CDADC1: variants seen among roughly 807,000 people sequenced by gnomAD.
CDADC1 encodes the protein dCTP deaminase.
CDADC1 carries 39 observed loss-of-function variants against 54.9 expected under a neutral mutation model. The observed-to-expected ratio is 0.71, with a 90% CI of 0.55 to 0.93. The LOEUF is 0.93. CDADC1 is among the 40% of genes least tolerant of loss of function. The pLI is 0.00. For missense variants in CDADC1, 518 were observed against 618.8 expected (o/e 0.84, Z 1.73); for synonymous variants, 186 against 204.0 (o/e 0.91, Z 0.75).
At chr13:49,270,466 C>G (rs1202330133) in intron 5 of CDADC1, among the ~76,000 whole-genome samples, 4 of 152,184 alleles carry the variant, frequency 2.6e-5, no homozygotes, top group Non-Finnish European at 5.9e-5. Flanking sequence ...AATCTTCCTG[C>G]CTCAGCCTCC....
rs1417244935 is a variant in CDADC1 at position 49,285,175 on chromosome 13, CTTTTTTCT to C, written c.1411-1040_1411-1033del. Among the ~76,000 whole-genome samples the C allele has an allele frequency of 9.1e-5, 12 of 132,292 alleles. No individual in the cohort carries two copies. In the South Asian group the frequency reaches 1.9e-3, roughly 21 times the overall value. The allele number at this position is 132,292 out of a possible 152,430, so 86.8% of individuals were successfully genotyped here. A position where few individuals can be genotyped will look rare whatever the true frequency, so the allele number is the denominator to read the frequency against. The stretch of plus-strand genomic sequence containing the variant: ...TTTCTTTTTCTTTTCTTTTTTTTTT[CTTTTTTCT>C]TTTTTTTTTTTGTGAGACAGAGTCT... On this transcript the variant is annotated intron_variant, in intron 8 of 9. Transcript: ENST00000251108.
chr13:49,289,210 C>A (rs1461179971), intron 9 of CDADC1, among the ~76,000 whole-genome samples: 2 of 142,834 alleles, frequency 1.4e-5, no homozygotes, highest in Non-Finnish European at 3.0e-5. Flanking sequence ...CTCACTGCAA[C>A]CTCCACCTCC....
chr13:49,289,152 G>T (rs576324372), intron 9 of CDADC1, among the ~76,000 whole-genome samples: 1 of 116,868 alleles, frequency 8.6e-6, no homozygotes, highest in African/African-American at 3.5e-5. Context: ...TTTTTATGAC[G>T]GAGTCTCACT....
chr13:49,257,672 G>A (rs1008582282), intron 3 of CDADC1, among the ~76,000 whole-genome samples: 3 of 152,186 alleles, frequency 2.0e-5, no homozygotes, highest in Non-Finnish European at 4.4e-5. Flanking sequence ...TGAGGCAGGA[G>A]AATGGCATGA....
Position 49,267,820 on chromosome 13 carries a change from T to C in CDADC1, c.761T>C (p.Ile254Thr). The change falls in exon 5 of 10, where the codon ATA (isoleucine) becomes ACA (threonine). Residue 254 changes from isoleucine to threonine, a missense_variant. Ile to Thr is a moderately conservative substitution (Grantham distance 89, BLOSUM62 -1). Coordinates refer to ENST00000251108, the MANE Select transcript of CDADC1 (RefSeq NM_030911.4). ...LVSNEEMHKQ[I>T]LMTIGLENLC... ...TCAAATGAAGAAATGCATAAGCAAA[T>C]ACTGATGACTATAGGTTTGGAGAAC... 1 of 1,613,418 alleles carries C rather than the reference T, an allele frequency of 6.2e-7. No homozygotes were observed. Among genetic ancestry groups the C allele is most frequent in the East Asian group, 2.2e-5 (1 of 44,864 alleles).
chr13:49,257,220 T>C (rs748331596), intron 3 of CDADC1, among the ~76,000 whole-genome samples: 8 of 152,212 alleles, frequency 5.3e-5, no homozygotes, highest in Admixed American at 3.9e-4. Context: ...AAAAGGACTC[T>C]AGACAAAAAA....
At chr13:49,274,639 C>A (rs577270105) in intron 6 of CDADC1, among the ~76,000 whole-genome samples, 1 of 152,082 alleles carries the variant, frequency 6.6e-6, no homozygotes, top group East Asian at 1.9e-4. Flanking sequence ...CCACTGCACT[C>A]CAGCCTGGGT....
intron 3 of CDADC1, among the ~76,000 whole-genome samples, chr13:49,256,887 A>G (rs1033712536): frequency 2.6e-5 from 4 of 152,248 alleles, no homozygotes; most frequent in Admixed American, 1.3e-4. Context: ...AAAATAGTGA[A>G]TCACCATTTA....
intron 6 of CDADC1, among the ~76,000 whole-genome samples, chr13:49,277,976 A>T (rs1953196402): frequency 6.6e-6 from 1 of 152,206 alleles, no homozygotes; most frequent in Non-Finnish European, 1.5e-5. Flanking sequence ...GAATACTCGA[A>T]CATGTTGAAG....
In CDADC1 at chr13:49,280,615, G is replaced by A. The variant is rs768203438; in HGVS notation, c.1327G>A (p.Ala443Thr). The change falls in exon 8 of 10, where the codon GCA (alanine) becomes ACA (threonine). Residue 443 changes from alanine to threonine, a missense_variant. Ala to Thr is a moderately conservative substitution (Grantham distance 58). Transcript: ENST00000251108. ...IKGAGIKQIY[A>T]GDVDVGKKKA... is the part of the protein sequence containing the mutation. Reference sequence around the variant, plus strand: ...AGGTGCAGGCATAAAACAAATCTATGCAGGAGATGTAGATGTTGGAAAAAA... The same window carrying A: ...AGGTGCAGGCATAAAACAAATCTATACAGGAGATGTAGATGTTGGAAAAAA... The A allele has an allele frequency of 6.2e-7, 1 of 1,602,298 alleles. No individual in the cohort carries two copies. Among genetic ancestry groups the A allele is most frequent in the Non-Finnish European group, 8.5e-7 (1 of 1,174,696 alleles).
At chr13:49,260,116 G>A (rs9535177) in intron 4 of CDADC1, among the ~76,000 whole-genome samples, 44,931 of 151,822 alleles carry the variant, frequency 0.3, 6,780 homozygotes, top group East Asian at 0.5. Context: ...TAAAAAATAT[G>A]TAAATATATA....
intron 4 of CDADC1, chr13:49,266,020 A>G (rs1952807031): frequency 5.9e-6 from 7 of 1,196,464 alleles, no homozygotes; most frequent in Non-Finnish European, 7.8e-6. Context: ...GGCCTTCAAA[A>G]TTGCTTTGCA....
At chr13:49,267,127 A>T (rs1445330350) in intron 4 of CDADC1, among the ~76,000 whole-genome samples, 5 of 152,184 alleles carry the variant, frequency 3.3e-5, no homozygotes, top group Non-Finnish European at 5.9e-5. Context: ...TGCCACACGA[A>T]AGCACCCAAA....
At chr13:49,255,447 C>G (rs1190338503) in intron 2 of CDADC1, among the ~76,000 whole-genome samples, 1 of 152,218 alleles carries the variant, frequency 6.6e-6, no homozygotes, top group Non-Finnish European at 1.5e-5. Flanking sequence ...CAATCCCGAT[C>G]TAATACCTTT....
chr13:49,261,781 G>A (rs375630651), intron 4 of CDADC1, among the ~76,000 whole-genome samples: 1 of 152,168 alleles, frequency 6.6e-6, no homozygotes, highest in African/African-American at 2.4e-5. Flanking sequence ...TAATAGCCTC[G>A]GAGCCACAAA....
chr13:49,259,450 G>A lies in CDADC1; in HGVS notation c.357G>A (p.Gly119=), dbSNP rs1353276786. 2 of 1,613,952 alleles carry A rather than the reference G, an allele frequency of 1.2e-6. No individual in the cohort carries two copies. Among genetic ancestry groups the A allele is most frequent in the East Asian group, 2.2e-5 (1 of 44,894 alleles). ...HAGQIALIKH[G]SRLKNCDLYF... is the part of the protein sequence containing the mutation. Reference sequence around the variant, plus strand: ...GGCAGATTGCTCTTATTAAACATGGGTCAAGGCTGAAAAACTGTGATCTTT... The same window carrying A: ...GGCAGATTGCTCTTATTAAACATGGATCAAGGCTGAAAAACTGTGATCTTT... The change falls in exon 4 of 10, where the codon GGG becomes GGA. Residue 119 remains glycine (G), a synonymous_variant. Transcript: ENST00000251108.
chr13:49,276,089 G>T (rs574987484), intron 6 of CDADC1, among the ~76,000 whole-genome samples: 2 of 152,094 alleles, frequency 1.3e-5, no homozygotes, highest in Non-Finnish European at 2.9e-5. Context: ...TTAAAAGGAA[G>T]ACAGATAAAT....
At chr13:49,262,691 C>T (rs908807514) in intron 4 of CDADC1, among the ~76,000 whole-genome samples, 16 of 151,960 alleles carry the variant, frequency 1.1e-4, no homozygotes, top group South Asian at 2.1e-4. Flanking sequence ...CCAGCATGCC[C>T]GGCTAATTTT....
At chr13:49,261,878 A>G (rs759076088) in intron 4 of CDADC1, among the ~76,000 whole-genome samples, 1 of 152,330 alleles carries the variant, frequency 6.6e-6, no homozygotes, top group Admixed American at 6.5e-5. Context: ...ATAATGAAGT[A>G]TGGAAAGTCA....
Sources: gnomAD v4.1 joint callset for allele counts (sites outside exome capture counted in the v4.1 genomes callset) on GRCh38, gnomAD v4.1.1 for gene constraint, MANE v1.5 for transcripts, NCBI Gene and HGNC (gene_info 2026-07-23, HGNC 2026-07-21) for gene names.